The following MEIS1 variants were observed in gnomAD, a reference collection of about 807,000 sequenced individuals.
MEIS1 encodes Meis homeobox 1, also known as homeobox protein Meis1.
MEIS1 carries 5 observed loss-of-function variants against 50.8 expected under a neutral mutation model. The observed-to-expected ratio is 0.10, with a 90% CI of 0.05 to 0.21. The LOEUF is 0.21. Among genes scored for constraint, MEIS1 ranks in the 10% least tolerant of loss-of-function variants. The pLI is 1.00. For missense variants in MEIS1, 318 were observed against 517.3 expected (o/e 0.61, Z 3.74); for synonymous variants, 176 against 179.3 (o/e 0.98, Z 0.15).
At chr2:66,563,253 T>C (rs1675261924) in intron 9 of MEIS1, among the ~76,000 whole-genome samples, 1 of 152,216 alleles carries the variant, frequency 6.6e-6, no homozygotes, top group Admixed American at 6.5e-5. Context: ...TATGTATTTG[T>C]ATTTTATCTC....
At chr2:66,457,335 G>A (rs1195970647) in intron 6 of MEIS1, among the ~76,000 whole-genome samples, 1 of 151,992 alleles carries the variant, frequency 6.6e-6, no homozygotes. Context: ...TATATGCTAT[G>A]TTTTGGTTAT....
At chr2:66,498,551 C>G (rs1327504787) in intron 7 of MEIS1, among the ~76,000 whole-genome samples, 1 of 152,164 alleles carries the variant, frequency 6.6e-6, no homozygotes, top group Non-Finnish European at 1.5e-5. Context: ...AGCTGGGATT[C>G]ATCCTGGCTT....
intron 6 of MEIS1, among the ~76,000 whole-genome samples, chr2:66,462,805 G>T (rs1672550555): frequency 6.6e-6 from 1 of 151,970 alleles, no homozygotes; most frequent in Non-Finnish European, 1.5e-5. Flanking sequence ...ATGCATAATG[G>T]GTCATATTAT....
chr2:66,498,178 A>T (rs1283094554), intron 7 of MEIS1, among the ~76,000 whole-genome samples: 2 of 152,118 alleles, frequency 1.3e-5, no homozygotes, highest in Non-Finnish European at 2.9e-5. Flanking sequence ...CAAATGGTGT[A>T]CTCACTAGCA....
chr2:66,442,714 A>C, intron 5 of MEIS1, 188 bp from the exon 6 acceptor site: 2 of 532,694 alleles, frequency 3.8e-6, no homozygotes, highest in Non-Finnish European at 6.4e-6. Flanking sequence ...TTTCTGGGAT[A>C]TCTCTATTTT....
rs1203494162 is a variant in MEIS1 at position 66,572,367 on chromosome 2, C to T, written c.*1159C>T. On this transcript the variant is annotated 3_prime_UTR_variant, in exon 13 of 13. Coordinates refer to ENST00000272369, the MANE Select transcript of MEIS1 (RefSeq NM_002398.3). Reference sequence around the variant, plus strand: ...TTGACTTTATTTCTGAGCAAAGCATCGGTCATGTGTGTATTTTTTCATAGT... The same window carrying T: ...TTGACTTTATTTCTGAGCAAAGCATTGGTCATGTGTGTATTTTTTCATAGT... The T allele has an allele frequency of 6.6e-6, 1 of 152,132 alleles. No homozygotes were observed. The highest frequency in any genetic ancestry group is 2.4e-5 in the African/African-American group (1 of 41,420). 9.4% of individuals were successfully genotyped at this position (152,132 alleles called of 1,614,324 possible).
At chr2:66,458,280 G>A (rs987410847) in intron 6 of MEIS1, among the ~76,000 whole-genome samples, 8 of 152,106 alleles carry the variant, frequency 5.3e-5, no homozygotes, top group Non-Finnish European at 8.8e-5. Context: ...ATTAGGCATC[G>A]AATTAAACTT....
intron 8 of MEIS1, among the ~76,000 whole-genome samples, chr2:66,526,849 T>G (rs1280479810): frequency 6.6e-6 from 1 of 152,182 alleles, no homozygotes; most frequent in Non-Finnish European, 1.5e-5. Context: ...GGGCAAGAGA[T>G]ATAGTCAAAT....
At chr2:66,465,212 G>T (rs775894063) in intron 7 of MEIS1, among the ~76,000 whole-genome samples, 3 of 152,180 alleles carry the variant, frequency 2.0e-5, no homozygotes, top group Non-Finnish European at 2.9e-5. Flanking sequence ...AAACAGGAAA[G>T]TTAATTTTTT....
At chr2:66,566,153 T>A (rs1389462674) in intron 9 of MEIS1, among the ~76,000 whole-genome samples, 1 of 152,186 alleles carries the variant, frequency 6.6e-6, no homozygotes. Context: ...CCAACAAGAA[T>A]TAGCACAAAC....
intron 7 of MEIS1, among the ~76,000 whole-genome samples, chr2:66,506,416 C>T (rs73937936): frequency 0.027 from 4,177 of 152,218 alleles, 210 homozygotes; most frequent in African/African-American, 0.091. Context: ...GTAGAGAGAG[C>T]AGTGCATGGT....
intron 8 of MEIS1, among the ~76,000 whole-genome samples, chr2:66,540,720 T>TATTA (rs1289160580): frequency 6.6e-6 from 1 of 152,248 alleles, no homozygotes; most frequent in East Asian, 1.9e-4. Context: ...TTCACGAATG[T>TATTA]TAATCCATTT....
chr2:66,441,626 G>T (rs759617447), intron 5 of MEIS1, 162 bp downstream of exon 5: 6 of 596,370 alleles, frequency 1.0e-5, no homozygotes, highest in Non-Finnish European at 1.7e-5. Context: ...ATTTCTCTTC[G>T]CAGTTTAATT....
At chr2:66,529,522 C>T (rs1220621547) in intron 8 of MEIS1, among the ~76,000 whole-genome samples, 2 of 152,106 alleles carry the variant, frequency 1.3e-5, no homozygotes, top group Admixed American at 6.5e-5. Flanking sequence ...CTGCAGCCTC[C>T]ACCTCCCAGG....
intron 8 of MEIS1, among the ~76,000 whole-genome samples, chr2:66,515,605 A>G (rs1673946169): frequency 6.6e-6 from 1 of 152,182 alleles, no homozygotes; most frequent in Non-Finnish European, 1.5e-5. Context: ...AAAATAATAA[A>G]AGAAAAAGGA....
At chr2:66,569,349 T>C (rs1675427749) in intron 12 of MEIS1, 1 of 464,190 alleles carries the variant, frequency 2.2e-6, no homozygotes, top group Non-Finnish European at 3.9e-6. Flanking sequence ...ATTTATCCTG[T>C]GTGTTGCTAT....
intron 6 of MEIS1, among the ~76,000 whole-genome samples, chr2:66,463,075 T>C (rs148768421): frequency 2.6e-5 from 4 of 152,070 alleles, no homozygotes; most frequent in Non-Finnish European, 4.4e-5. Context: ...TTTCTAGAAA[T>C]AAGCAAAGAG....
At chr2:66,456,629 G>A (rs566754671) in intron 6 of MEIS1, among the ~76,000 whole-genome samples, 1 of 152,306 alleles carries the variant, frequency 6.6e-6, no homozygotes, top group African/African-American at 2.4e-5. Flanking sequence ...TTTTATCACA[G>A]CATTAAAAAA....
At chr2:66,516,751 C>G (rs778991818) in intron 8 of MEIS1, among the ~76,000 whole-genome samples, 22 of 152,050 alleles carry the variant, frequency 1.4e-4, no homozygotes, top group Non-Finnish European at 3.1e-4. Flanking sequence ...TGCGGGTCCG[C>G]CACTCTAAGG....
Sources: allele counts gnomAD v4.1 joint callset (sites outside exome capture counted in the v4.1 genomes callset), GRCh38; gene constraint gnomAD v4.1.1; transcripts MANE v1.5; gene names NCBI Gene and HGNC (gene_info 2026-07-23, HGNC 2026-07-21).